RUBCNL: variants seen among roughly 807,000 people sequenced by gnomAD.
RUBCNL encodes the protein rubicon like autophagy enhancer.
In RUBCNL, 62 loss-of-function variants were observed where a neutral mutation model predicts 69.5. The ratio of observed to expected loss-of-function variants is 0.89; its 90% CI spans 0.73 to 1.10. The LOEUF is 1.10. RUBCNL is among the 50% of genes least tolerant of loss of function. The probability of loss-of-function intolerance (pLI) is 0.00; values close to 1 mark genes in which losing one functional copy is unlikely to be tolerated. For missense variants in RUBCNL, 768 were observed against 798.1 expected, an observed-to-expected ratio of 0.96 and a Z score of 0.45; for synonymous variants, 291 against 303.6, an observed-to-expected ratio of 0.96 and a Z score of 0.43.
Position 46,368,049 on chromosome 13 carries a change from G to C in RUBCNL, c.819C>G (p.Gly273=). The change falls in exon 5 of 15, where the codon GGC becomes GGG. Residue 273 remains glycine (G), a synonymous_variant. Transcript: ENST00000429979. ...CATATTTGCCCAACTTGCCTTCATA[G>C]CCACTGTATGAAGAAGTAGAAGACC... The part of the protein sequence containing the change: ...ESGSSTSSYS[G]YEGCAVLQVS... 1 of 1,613,644 alleles carries C rather than the reference G, an allele frequency of 6.2e-7. No individual in the cohort carries two copies. Among genetic ancestry groups the C allele is most frequent in the Non-Finnish European group, 8.5e-7 (1 of 1,179,648 alleles).
chr13:46,350,628 G>GC, intron 10 of RUBCNL: 2 of 349,108 alleles, frequency 5.7e-6, no homozygotes, highest in Non-Finnish European at 5.2e-6. Context: ...ATTGCAAACT[G>GC]CAGTGTAGCA....
chr13:46,370,123 C>T (rs1301918197), intron 3 of RUBCNL, among the ~76,000 whole-genome samples: 1 of 152,186 alleles, frequency 6.6e-6, no homozygotes, highest in African/African-American at 2.4e-5. Flanking sequence ...GAGGAAAGAG[C>T]ACAGAGAAGA....
chr13:46,345,319 T>C, intron 13 of RUBCNL, 128 bp downstream of exon 13: 1 of 1,141,744 alleles, frequency 8.8e-7, no homozygotes, highest in Non-Finnish European at 1.2e-6. Flanking sequence ...TGACCTCAGT[T>C]TTCTCATCTC....
In RUBCNL at chr13:46,386,456, C is replaced by T. The variant is rs58004741; in HGVS notation, c.-239+678G>A. On this transcript the variant is annotated intron_variant, in intron 1 of 14. Coordinates refer to ENST00000429979, the MANE Select transcript of RUBCNL (RefSeq NM_025113.5). ...TTAATTTTCACTCAAGGCGAAATAACCCCTCCTCTGAAAGTTCTCCACGTT... is the reference window on the plus strand; with the variant it reads ...TTAATTTTCACTCAAGGCGAAATAATCCCTCCTCTGAAAGTTCTCCACGTT... 3.6e-3 allele frequency among the ~76,000 whole-genome samples: 550 copies of T among 152,184 alleles called. 7 individuals carry two copies. Among genetic ancestry groups the T allele is most frequent in the African/African-American group, 0.013 (527 of 41,512 alleles).
In RUBCNL at chr13:46,350,166, G is replaced by A. The variant is rs749131460; in HGVS notation, c.1516C>T (p.Leu506=). 53 of 1,586,710 alleles carry A rather than the reference G, an allele frequency of 3.3e-5. No homozygotes were observed. The highest frequency in any genetic ancestry group is 3.8e-5 in the Non-Finnish European group (44 of 1,165,952). ...GCATACAGGCTTTGGCCGATGCTCAGCAAATTGAAAATGGGCTGGTGCCAT... is the reference window on the plus strand; with the variant it reads ...GCATACAGGCTTTGGCCGATGCTCAACAAATTGAAAATGGGCTGGTGCCAT... The part of the protein sequence containing the change: ...SIWHQPIFNL[L]SIGQSLYAKA... The change falls in exon 11 of 15, where the codon CTG becomes TTG. Residue 506 remains leucine, a synonymous_variant. Coordinates refer to ENST00000429979, the MANE Select transcript of RUBCNL (RefSeq NM_025113.5).
upstream of RUBCNL, chr13:46,387,405 GA>G: frequency 1.0e-6 from 1 of 985,496 alleles, no homozygotes. Flanking sequence ...CCAGATGGAA[GA>G]AACTCTGGAG....
intron 9 of RUBCNL, among the ~76,000 whole-genome samples, chr13:46,357,552 C>T (rs138281449): frequency 6.0e-5 from 9 of 151,248 alleles, no homozygotes; most frequent in South Asian, 2.1e-4. Context: ...GAAATTTAGA[C>T]GAATAAGAGG....
chr13:46,372,977 CTTTT>C (rs113547115), intron 2 of RUBCNL, among the ~76,000 whole-genome samples: 1 of 145,360 alleles, frequency 6.9e-6, no homozygotes, highest in Non-Finnish European at 1.5e-5. Context: ...TTCTTTCTTT[CTTTT>C]TTTTTTTTTA....
chr13:46,336,921 G>T lies in RUBCNL; in HGVS notation c.*6464C>A, dbSNP rs1367447215. ...ACTAGATAATATGGATAACTCAGAG[G>T]AGTAGAATAGTTTTTGATGTCTGCA... On this transcript the variant is annotated 3_prime_UTR_variant, in exon 15 of 15. Transcript: ENST00000429979. Among the ~76,000 whole-genome samples the T allele has an allele frequency of 1.3e-5, 2 of 151,806 alleles. No individual in the cohort carries two copies. Among genetic ancestry groups the T allele is most frequent in the Non-Finnish European group, 2.9e-5 (2 of 67,968 alleles).
intron 9 of RUBCNL, among the ~76,000 whole-genome samples, 178 bp downstream of exon 9, chr13:46,359,308 A>G (rs2048558788): frequency 6.6e-6 from 1 of 151,858 alleles, no homozygotes. Flanking sequence ...ATGGTAAACA[A>G]GAGGAAAAAA....
At chr13:46,377,860 A>G (rs2049029837) in intron 2 of RUBCNL, 30 bp downstream of exon 2, 1 of 1,330,632 alleles carries the variant, frequency 7.5e-7, no homozygotes, top group South Asian at 1.2e-5. Flanking sequence ...AGTGGCAGAG[A>G]GAAGACAAAA....
intron 2 of RUBCNL, among the ~76,000 whole-genome samples, chr13:46,375,893 T>C (rs988277306): frequency 2.0e-5 from 3 of 152,224 alleles, no homozygotes; most frequent in African/African-American, 7.2e-5. Flanking sequence ...CTTCCATATC[T>C]GTCACCATGA....
At chr13:46,371,363 G>A (rs535839876) in intron 3 of RUBCNL, among the ~76,000 whole-genome samples, 3 of 152,204 alleles carry the variant, frequency 2.0e-5, no homozygotes, top group South Asian at 4.1e-4. Context: ...TACTTCGCAC[G>A]GATTATCCAA....
chr13:46,361,325 G>A, intron 8 of RUBCNL, 116 bp downstream of exon 8: 1 of 1,070,928 alleles, frequency 9.3e-7, no homozygotes, highest in South Asian at 1.6e-5. Context: ...TTCATTTTGA[G>A]TCTCCCCTAA....
Position 46,340,697 on chromosome 13 carries a change from G to A in RUBCNL, c.*2688C>T, listed in dbSNP as rs1234777298. Among the ~76,000 whole-genome samples, 6 of 152,204 alleles carry A rather than the reference G, an allele frequency of 3.9e-5. No individual in the cohort carries two copies. The highest frequency in any genetic ancestry group is 7.3e-5 in the Non-Finnish European group (5 of 68,046). ...ACTTGTGGCTGCTTCCACTCATGGTGGAGGGGAAGGGGAGCCTGCGTGTGC... is the reference window on the plus strand; with the variant it reads ...ACTTGTGGCTGCTTCCACTCATGGTAGAGGGGAAGGGGAGCCTGCGTGTGC... On this transcript the variant is annotated 3_prime_UTR_variant, in exon 15 of 15. Coordinates refer to ENST00000429979, the MANE Select transcript of RUBCNL (RefSeq NM_025113.5).
rs926180693 is a variant in RUBCNL, at chr13:46,346,304, C to T, written c.1632-704G>A. Among the ~76,000 whole-genome samples, 40 of 152,328 alleles carry T rather than the reference C, an allele frequency of 2.6e-4. 1 individual carries two copies. The highest frequency in any genetic ancestry group is 3.9e-4 in the Admixed American group (6 of 15,304). ...ACCCAGCCTGAGGTGCCCACTCCTG[C>T]GGCATCCTCTGCCTGGAGAATCCCC... On this transcript the variant is annotated intron_variant, in intron 12 of 14. Transcript: ENST00000429979.
In RUBCNL at chr13:46,363,159, A is replaced by G. The variant is rs777954058; in HGVS notation, c.881T>C (p.Val294Ala). Residue 294 changes from valine to alanine, a missense_variant, in exon 6 of 15, where the codon GTG becomes GCG. By Grantham distance (64) the Val-to-Ala change is moderately conservative. Coordinates refer to ENST00000429979, the MANE Select transcript of RUBCNL (RefSeq NM_025113.5). ...AACATCGCATTTGCAAATCTCTTTC[A>G]CATCATGGTAAGTACGTGTTTCAGT... ...PVTETRTYHD[V>A]KEICKCDVDE... 6.2e-7 allele frequency: 1 copy of G among 1,602,592 alleles called. No individual in the cohort carries two copies. Among genetic ancestry groups the G allele is most frequent in the Non-Finnish European group, 8.5e-7 (1 of 1,174,676 alleles).
chr13:46,345,305 G>A, intron 13 of RUBCNL, 142 bp downstream of exon 13: 1 of 1,001,766 alleles, frequency 1.0e-6, no homozygotes, highest in Middle Eastern at 3.3e-4. Flanking sequence ...TTACTTCACA[G>A]CTCTGACCTC....
At chr13:46,345,921 A>C (rs1204944366) in intron 12 of RUBCNL, among the ~76,000 whole-genome samples, 1 of 152,200 alleles carries the variant, frequency 6.6e-6, no homozygotes, top group Non-Finnish European at 1.5e-5. Flanking sequence ...GTCTTAAAGA[A>C]TGTGAACCTA....
Sources: allele counts gnomAD v4.1 joint callset (sites outside exome capture counted in the v4.1 genomes callset), GRCh38; gene constraint gnomAD v4.1.1; transcripts MANE v1.5; gene names NCBI Gene and HGNC (gene_info 2026-07-23, HGNC 2026-07-21).